SCRN1: variants seen among roughly 807,000 people sequenced by gnomAD.
SCRN1 encodes secernin-1.
A neutral mutation model predicts 43.3 loss-of-function variants in SCRN1; 19 were observed. The ratio of observed to expected loss-of-function variants is 0.44; its 90% CI spans 0.31 to 0.64. SCRN1 has a LOEUF of 0.64. Ranked by LOEUF, SCRN1 falls within the 30% of genes least tolerant of loss-of-function variation. SCRN1 has a pLI of 0.09. For synonymous variants in SCRN1, 183 were observed against 188.9 expected, an observed-to-expected ratio of 0.97 and a Z score of 0.26; for missense variants, 447 against 524.1, an observed-to-expected ratio of 0.85 and a Z score of 1.44.
At position 29,950,160 on chromosome 7, in the gene SCRN1, C is replaced by A. The variant is rs1787872530; in HGVS notation, c.341+5019G>T. 6.6e-6 allele frequency among the ~76,000 whole-genome samples: 1 copy of A among 152,234 alleles called. No individual in the cohort carries two copies. Among genetic ancestry groups the A allele is most frequent in the Non-Finnish European group, 1.5e-5 (1 of 68,028 alleles). On this transcript the variant is annotated intron_variant, in intron 3 of 7. Coordinates refer to ENST00000242059, the MANE Select transcript of SCRN1 (RefSeq NM_014766.5). The surrounding 1 kb of genome is among the most constrained non-coding windows in gnomAD (Gnocchi z 4.5). ...CCCAGGAAGCCCTTGCCCCTACAGG[C>A]TTGGAAGTGCCTGCTTCCTGCTCCC...
intron 5 of SCRN1, among the ~76,000 whole-genome samples, chr7:29,939,186 T>G (rs1314672633): frequency 6.6e-6 from 1 of 152,184 alleles, no homozygotes; most frequent in East Asian, 1.9e-4. Flanking sequence ...GTGTTCTAGA[T>G]TAAGAGTCAG....
chr7:29,989,919 T>G, upstream of SCRN1: 2 of 1,070,638 alleles, frequency 1.9e-6, no homozygotes, highest in Non-Finnish European at 2.3e-6. Flanking sequence ...CGCGTCTGGC[T>G]GCACGGGCCG....
intron 1 of SCRN1, among the ~76,000 whole-genome samples, chr7:29,977,811 C>T (rs1046575490): frequency 2.0e-5 from 3 of 152,030 alleles, no homozygotes; most frequent in African/African-American, 7.3e-5. Context: ...ATAGGTAGTT[C>T]ATTCTTCCCA....
chr7:29,947,829 A>T lies in SCRN1; in HGVS notation c.342-3650T>A, dbSNP rs751094508. Among the ~76,000 whole-genome samples the T allele has an allele frequency of 2.0e-5, 3 of 152,286 alleles. No homozygotes were observed. The South Asian group carries it at 6.2e-4, about 32-fold the overall frequency. Reference sequence around the variant, plus strand: ...GCACCATGATGGGATTAGTGCCCTTAAAAGAAGAGACACCAGAACACGTCC... The same window carrying T: ...GCACCATGATGGGATTAGTGCCCTTTAAAGAAGAGACACCAGAACACGTCC... On this transcript the variant is annotated intron_variant, in intron 3 of 7. Coordinates refer to ENST00000242059, the MANE Select transcript of SCRN1 (RefSeq NM_014766.5).
chr7:29,989,554 T>C, intron 1 of SCRN1, 88 bp downstream of exon 1: 3 of 985,320 alleles, frequency 3.0e-6, no homozygotes, highest in Non-Finnish European at 3.6e-6. Context: ...CGGGAGGAGA[T>C]GAAACGCAGG....
intron 1 of SCRN1, chr7:29,989,030 G>C (rs1789262748): frequency 6.6e-6 from 1 of 152,004 alleles, no homozygotes; most frequent in Non-Finnish European, 1.5e-5. Context: ...GGTGCGGCTC[G>C]AGGGAAGTTG....
intron 6 of SCRN1, among the ~76,000 whole-genome samples, chr7:29,935,871 T>TA (rs1365603495): frequency 6.6e-6 from 1 of 152,248 alleles, no homozygotes; most frequent in African/African-American, 2.4e-5. Context: ...TAGGGGCTGA[T>TA]ATTATCCCCA....
chr7:29,934,441 G>A (rs752794067), intron 6 of SCRN1, among the ~76,000 whole-genome samples: 1 of 152,124 alleles, frequency 6.6e-6, no homozygotes, highest in Non-Finnish European at 1.5e-5. Context: ...TCTTTGGAAG[G>A]GTCCTGTTCC....
At chr7:29,977,044 T>G (rs1583696649) in intron 1 of SCRN1, among the ~76,000 whole-genome samples, 1 of 152,376 alleles carries the variant, frequency 6.6e-6, no homozygotes, top group East Asian at 1.9e-4. Flanking sequence ...CAGACTGCCC[T>G]GCACCTTTAT....
chr7:29,924,219 C>T (rs1786867196), intron 7 of SCRN1, 104 bp from the exon 8 acceptor site: 2 of 1,119,480 alleles, frequency 1.8e-6, no homozygotes, highest in Admixed American at 2.6e-5. Context: ...GCTCAAGGTC[C>T]TGTCCTCCCC....
chr7:29,964,178 G>C (rs752346908), intron 2 of SCRN1, among the ~76,000 whole-genome samples: 3 of 152,116 alleles, frequency 2.0e-5, no homozygotes, highest in Non-Finnish European at 4.4e-5. Flanking sequence ...TTAGCCAAAT[G>C]AGTTAAAAAC....
chr7:29,926,429 C>G (rs1786959529), intron 7 of SCRN1, 23 bp downstream of exon 7: 4 of 1,606,942 alleles, frequency 2.5e-6, no homozygotes, highest in Non-Finnish European at 2.6e-6. Context: ...GCCTCCGCCT[C>G]TGTGGCCCTC....
At chr7:29,977,738 G>A (rs983577691) in intron 1 of SCRN1, among the ~76,000 whole-genome samples, 1 of 152,196 alleles carries the variant, frequency 6.6e-6, no homozygotes, top group African/African-American at 2.4e-5. Flanking sequence ...AGGCTTTGAA[G>A]CCCACCTGGG....
At chr7:29,926,804 G>A (rs1261801816) in intron 6 of SCRN1, among the ~76,000 whole-genome samples, 172 bp from the exon 7 acceptor site, 1 of 152,036 alleles carries the variant, frequency 6.6e-6, no homozygotes, top group Non-Finnish European at 1.5e-5. Flanking sequence ...TGTTTTAGTC[G>A]CTATTTTAGC....
At chr7:29,936,395 TCAAAG>T (rs1257916892) in intron 6 of SCRN1, among the ~76,000 whole-genome samples, 156 bp downstream of exon 6, 1 of 152,248 alleles carries the variant, frequency 6.6e-6, no homozygotes, top group Non-Finnish European at 1.5e-5. Context: ...ATTCACTTAA[TCAAAG>T]CCCTTGGTGC....
chr7:29,981,527 T>A (rs1163731585), intron 1 of SCRN1, among the ~76,000 whole-genome samples: 2 of 152,192 alleles, frequency 1.3e-5, no homozygotes, highest in Non-Finnish European at 2.9e-5. Flanking sequence ...TTAGGTTAAA[T>A]ACATAATCAT....
intron 1 of SCRN1, among the ~76,000 whole-genome samples, chr7:29,986,027 G>A (rs1388810584): frequency 1.3e-5 from 2 of 152,222 alleles, no homozygotes; most frequent in Admixed American, 6.5e-5. Flanking sequence ...CTGAGGTCAG[G>A]AGTTCGAGAC....
chr7:29,958,169 C>T (rs981476773), intron 2 of SCRN1, among the ~76,000 whole-genome samples: 4 of 152,194 alleles, frequency 2.6e-5, no homozygotes, highest in African/African-American at 7.2e-5. Flanking sequence ...ATCTTTGTCA[C>T]GGGCCACAGA....
chr7:29,973,143 C>T (rs936982141), intron 1 of SCRN1, among the ~76,000 whole-genome samples: 5 of 152,154 alleles, frequency 3.3e-5, no homozygotes, highest in Non-Finnish European at 5.9e-5. Flanking sequence ...AGAAAACAAA[C>T]TTTAGGAAGC....
Sources: allele counts gnomAD v4.1 joint callset (sites outside exome capture counted in the v4.1 genomes callset), GRCh38; gene constraint gnomAD v4.1.1; non-coding constraint Gnocchi (gnomAD v3.1); transcripts MANE v1.5; gene names NCBI Gene and HGNC (gene_info 2026-07-23, HGNC 2026-07-21).